The following WWOX variants were observed in gnomAD, a reference collection of about 807,000 sequenced individuals.
WWOX encodes WW domain-containing oxidoreductase.
WWOX carries 69 observed loss-of-function variants against 46.2 expected under a neutral mutation model. The observed-to-expected ratio is 1.49, with a 90% CI of 1.23 to 1.82. The LOEUF (loss-of-function observed/expected upper bound fraction) is 1.82. Ranked by LOEUF, WWOX falls within the 40% of genes most tolerant of loss-of-function variation. The pLI, the probability that WWOX is intolerant of heterozygous loss-of-function variation, is 0.00. For synonymous variants in WWOX, 359 were observed against 202.6 expected (o/e 1.77, Z -6.56); for missense variants, 919 against 542.6 (o/e 1.69, Z -6.89).
At chr16:78,399,980 T>G (rs149526474) in intron 6 of WWOX, among the ~76,000 whole-genome samples, 5 of 152,332 alleles carry the variant, frequency 3.3e-5, no homozygotes, top group African/African-American at 9.6e-5. Flanking sequence ...CAAGGAAGAT[T>G]ATATTTTTAG....
At chr16:78,273,104 A>G (rs1424912049) in intron 5 of WWOX, among the ~76,000 whole-genome samples, 1 of 152,128 alleles carries the variant, frequency 6.6e-6, no homozygotes, top group Admixed American at 6.5e-5. Flanking sequence ...TTTGTCAGAG[A>G]TAGAGTCTTT....
At chr16:78,928,518 G>T (rs868635753) in intron 8 of WWOX, among the ~76,000 whole-genome samples, 24 of 152,196 alleles carry the variant, frequency 1.6e-4, no homozygotes, top group South Asian at 4.2e-4. Context: ...TTCTTGTTGT[G>T]AATATTTTTT....
At chr16:78,279,509 T>C (rs1031034791) in intron 5 of WWOX, among the ~76,000 whole-genome samples, 1 of 152,234 alleles carries the variant, frequency 6.6e-6, no homozygotes, top group Non-Finnish European at 1.5e-5. Context: ...AATTTCAATT[T>C]CTTCAGTTTG....
At chr16:78,772,747 G>A (rs1001116714) in intron 8 of WWOX, among the ~76,000 whole-genome samples, 2 of 152,158 alleles carry the variant, frequency 1.3e-5, no homozygotes, top group Admixed American at 6.6e-5. Flanking sequence ...GGCTAGGCGC[G>A]GTGGCTCACA....
At chr16:78,339,382 C>A (rs111329223) in intron 5 of WWOX, among the ~76,000 whole-genome samples, 10 of 72,394 alleles carry the variant, frequency 1.4e-4, no homozygotes, top group Non-Finnish European at 2.2e-4. Context: ...AAAAAAAAAA[C>A]AACTCCCCTG....
At chr16:78,213,476 A>T (rs534224300) in intron 5 of WWOX, among the ~76,000 whole-genome samples, 1 of 151,792 alleles carries the variant, frequency 6.6e-6, no homozygotes, top group Non-Finnish European at 1.5e-5. Context: ...TGTGTGCCCT[A>T]AAGAATTGAA....
chr16:78,422,802 TACAC>T (rs1302383672), intron 6 of WWOX, among the ~76,000 whole-genome samples: 1 of 106,554 alleles, frequency 9.4e-6, no homozygotes, highest in African/African-American at 6.7e-5. Flanking sequence ...CACATATATA[TACAC>T]ACACATATAT....
intron 8 of WWOX, among the ~76,000 whole-genome samples, chr16:79,191,546 C>G (rs2051137157): frequency 6.6e-6 from 1 of 152,216 alleles, no homozygotes; most frequent in Non-Finnish European, 1.5e-5. Context: ...TTGCTTCTAG[C>G]TGGTCGAAGG....
At chr16:78,533,970 G>A (rs376961049) in intron 8 of WWOX, among the ~76,000 whole-genome samples, 13 of 152,268 alleles carry the variant, frequency 8.5e-5, no homozygotes, top group South Asian at 4.2e-4. Flanking sequence ...ACATTCTAGC[G>A]TAGGCAAATA....
chr16:78,214,100 C>G (rs2151790814), intron 5 of WWOX, among the ~76,000 whole-genome samples: 1 of 152,290 alleles, frequency 6.6e-6, no homozygotes, highest in Non-Finnish European at 1.5e-5. Flanking sequence ...GCCCTGCTGC[C>G]TAGGGCTGGG....
chr16:79,058,140 A>AT (rs2048298679), intron 8 of WWOX, among the ~76,000 whole-genome samples: 1 of 148,244 alleles, frequency 6.7e-6, no homozygotes, highest in Admixed American at 6.7e-5. Flanking sequence ...AAAAAAAAAA[A>AT]ACTCCTTCTT....
rs73570423 is a variant in WWOX, at chr16:78,218,042, T to C, written c.516+53753T>C. 5.8e-3 allele frequency among the ~76,000 whole-genome samples: 886 copies of C among 152,130 alleles called. 13 individuals carry two copies. The highest frequency in any genetic ancestry group is 0.021 in the African/African-American group (856 of 41,510). ...TACTTTCCCTCTCCCTCCCTGTGCT[T>C]GCCTTTCTTTTCTTTTCTTTTTTCT... On this transcript the variant is annotated intron_variant, in intron 5 of 8. Transcript: ENST00000566780.
chr16:78,832,761 G>T (rs1317632172), intron 8 of WWOX, among the ~76,000 whole-genome samples: 1 of 152,156 alleles, frequency 6.6e-6, no homozygotes, highest in African/African-American at 2.4e-5. Flanking sequence ...AGGCCAGCAG[G>T]TGAGTTGGGG....
chr16:78,913,641 C>G lies in WWOX; in HGVS notation c.1057-297967C>G, dbSNP rs563022635. On this transcript the variant is annotated intron_variant, in intron 8 of 8. Transcript: ENST00000566780. ...TAGCAAGCATTACCCCAACCAATAC[C>G]TGTGCTCATACTGCTACAGTTTTTT... Among the ~76,000 whole-genome samples, 3 of 151,598 alleles carry G rather than the reference C, an allele frequency of 2.0e-5. No individual in the cohort carries two copies. In the South Asian group the frequency reaches 6.3e-4, roughly 32 times the overall value.
chr16:78,335,143 T>A (rs1027441983), intron 5 of WWOX, among the ~76,000 whole-genome samples: 9 of 152,156 alleles, frequency 5.9e-5, no homozygotes, highest in African/African-American at 2.2e-4. Flanking sequence ...TCTAAAACTT[T>A]AAGTTCCAGG....
At chr16:79,100,615 ATGT>A (rs1402388009) in intron 8 of WWOX, among the ~76,000 whole-genome samples, 5 of 152,078 alleles carry the variant, frequency 3.3e-5, no homozygotes, top group East Asian at 1.9e-4. Flanking sequence ...CTCTTAACAA[ATGT>A]TGTTGACAGG....
At chr16:79,055,149 C>G (rs1465142548) in intron 8 of WWOX, among the ~76,000 whole-genome samples, 2 of 152,184 alleles carry the variant, frequency 1.3e-5, no homozygotes, top group Non-Finnish European at 2.9e-5. Flanking sequence ...AACATTCCTC[C>G]TCAGATATGC....
At chr16:79,025,999 C>CAT (rs2047633378) in intron 8 of WWOX, among the ~76,000 whole-genome samples, 8 of 150,326 alleles carry the variant, frequency 5.3e-5, no homozygotes, top group Non-Finnish European at 1.2e-4. Flanking sequence ...TGGGTTTTAG[C>CAT]CATGTTGTGC....
At chr16:79,198,557 A>T (rs954540424) in intron 8 of WWOX, among the ~76,000 whole-genome samples, 2 of 152,262 alleles carry the variant, frequency 1.3e-5, no homozygotes, top group East Asian at 3.9e-4. Flanking sequence ...CTAACTAGAG[A>T]CATTAATCAT....
Sources: gnomAD v4.1 joint callset for allele counts (sites outside exome capture counted in the v4.1 genomes callset) on GRCh38, gnomAD v4.1.1 for gene constraint, MANE v1.5 for transcripts, NCBI Gene and HGNC (gene_info 2026-07-23, HGNC 2026-07-21) for gene names.